The following RAP1GDS1 variants were observed in gnomAD, a reference collection of about 807,000 sequenced individuals.
RAP1GDS1 encodes RAP1, GTP-GDP dissociation stimulator 1.
In RAP1GDS1, 35 loss-of-function variants were observed where a neutral mutation model predicts 71.1. The observed-to-expected ratio is 0.49, with a 90% CI of 0.38 to 0.65. RAP1GDS1 has a LOEUF of 0.65. Ranked by LOEUF, RAP1GDS1 falls within the 30% of genes least tolerant of loss-of-function variation. The pLI is 0.00. For synonymous variants in RAP1GDS1, 229 were observed against 243.1 expected (o/e 0.94, Z 0.54); for missense variants, 663 against 706.1 (o/e 0.94, Z 0.69).
At chr4:98,412,966 G>T (rs1005063889) in intron 7 of RAP1GDS1, among the ~76,000 whole-genome samples, 3 of 151,968 alleles carry the variant, frequency 2.0e-5, no homozygotes, top group Non-Finnish European at 4.4e-5. Flanking sequence ...TACTGATGAG[G>T]GTCTATGTTT....
At chr4:98,441,966 ATC>A (rs1394198824) in intron 14 of RAP1GDS1, 22 bp from the exon 15 acceptor site, 1 of 1,611,308 alleles carries the variant, frequency 6.2e-7, no homozygotes, top group African/African-American at 1.3e-5. Context: ...ACAGAATCAT[ATC>A]TGTTATTTTT....
chr4:98,283,018 C>T (rs771177233), intron 1 of RAP1GDS1, among the ~76,000 whole-genome samples: 7 of 151,772 alleles, frequency 4.6e-5, no homozygotes, highest in African/African-American at 9.7e-5. Flanking sequence ...AGGAATTGAA[C>T]GTTAAAAAAA....
Position 98,295,995 on chromosome 4 carries a change from A to T in RAP1GDS1, c.112+2480A>T, listed in dbSNP as rs529972037. 2.0e-3 allele frequency among the ~76,000 whole-genome samples: 303 copies of T among 151,844 alleles called. 1 individual carries two copies. Among genetic ancestry groups the T allele is most frequent in the Non-Finnish European group, 3.3e-3 (223 of 67,892 alleles). On this transcript the variant is annotated intron_variant, in intron 2 of 14. Transcript: ENST00000408927. The stretch of plus-strand genomic sequence containing the variant: ...GTCCTCCTAAATGTAAAATTATAAA[A>T]CATTTAACTTAGAAGAATCTGTACT...
At chr4:98,343,423 T>C (rs1735779317) in intron 3 of RAP1GDS1, 162 bp downstream of exon 3, 1 of 873,738 alleles carries the variant, frequency 1.1e-6, no homozygotes, top group Non-Finnish European at 1.7e-6. Context: ...TAAATGGCTA[T>C]AGTTACAGTC....
chr4:98,309,754 A>G (rs748852807), intron 2 of RAP1GDS1, among the ~76,000 whole-genome samples: 4 of 151,980 alleles, frequency 2.6e-5, no homozygotes, highest in South Asian at 2.1e-4. Flanking sequence ...TGAAAATGCC[A>G]TATTCTTAAT....
At chr4:98,265,569 G>A (rs962049345) in intron 1 of RAP1GDS1, among the ~76,000 whole-genome samples, 1 of 152,104 alleles carries the variant, frequency 6.6e-6, no homozygotes, top group African/African-American at 2.4e-5. Flanking sequence ...TAGAGATCTG[G>A]AAGTTATCCA....
chr4:98,330,436 C>A (rs1278189252), intron 2 of RAP1GDS1, among the ~76,000 whole-genome samples: 1 of 150,312 alleles, frequency 6.7e-6, no homozygotes, highest in Admixed American at 6.6e-5. Context: ...GGGGTCGCGG[C>A]CGGGCAGAGG....
chr4:98,328,829 A>G (rs1355414376), intron 2 of RAP1GDS1, among the ~76,000 whole-genome samples: 2 of 152,232 alleles, frequency 1.3e-5, no homozygotes, highest in African/African-American at 4.8e-5. Context: ...TAATCAGAGT[A>G]AGACAAACTT....
chr4:98,291,109 A>T (rs762485301), intron 1 of RAP1GDS1, among the ~76,000 whole-genome samples: 1 of 152,154 alleles, frequency 6.6e-6, no homozygotes, highest in African/African-American at 2.4e-5. Context: ...TTGTCAAGAT[A>T]TCATTTAAAA....
At chr4:98,361,818 C>T (rs888567462) in intron 4 of RAP1GDS1, among the ~76,000 whole-genome samples, 5 of 152,164 alleles carry the variant, frequency 3.3e-5, no homozygotes, top group Non-Finnish European at 7.3e-5. Context: ...GATTTTTAAA[C>T]CTGAATATAA....
At chr4:98,297,069 A>G (rs1727891441) in intron 2 of RAP1GDS1, 1 of 166,696 alleles carries the variant, frequency 6.0e-6, no homozygotes, top group African/African-American at 2.5e-5. Context: ...GGCAATTCCC[A>G]TTTCATACGA....
chr4:98,393,001 C>T (rs1209636860), intron 6 of RAP1GDS1, among the ~76,000 whole-genome samples: 5 of 152,136 alleles, frequency 3.3e-5, no homozygotes, highest in Non-Finnish European at 1.5e-5. Flanking sequence ...ATGGATTACC[C>T]TTTCTTCTTC....
chr4:98,348,289 A>G (rs2110410661), intron 3 of RAP1GDS1, among the ~76,000 whole-genome samples: 1 of 152,328 alleles, frequency 6.6e-6, no homozygotes. Context: ...TACAAAGGAC[A>G]TGAACTCATT....
intron 13 of RAP1GDS1, among the ~76,000 whole-genome samples, chr4:98,436,128 GTTCA>G (rs1334621600): frequency 6.6e-6 from 1 of 151,778 alleles, no homozygotes; most frequent in African/African-American, 2.4e-5. Flanking sequence ...TTAGGTTAGG[GTTCA>G]TTTTCTTTGT....
chr4:98,391,931 G>GT (rs749216891), intron 5 of RAP1GDS1, 21 bp from the exon 6 acceptor site: 27,223 of 1,221,056 alleles, frequency 0.022, 13 homozygotes, highest in South Asian at 0.036. Flanking sequence ...TTCTGTTGTT[G>GT]TTTTTTTTTT....
At chr4:98,288,391 A>G (rs1016453094) in intron 1 of RAP1GDS1, among the ~76,000 whole-genome samples, 5 of 152,134 alleles carry the variant, frequency 3.3e-5, no homozygotes, top group African/African-American at 1.2e-4. Context: ...ATAGTATTCC[A>G]TGGTGTATAT....
chr4:98,278,318 C>T (rs1053735264), intron 1 of RAP1GDS1, among the ~76,000 whole-genome samples: 2 of 152,108 alleles, frequency 1.3e-5, no homozygotes, highest in East Asian at 1.9e-4. Context: ...TATCTTATAT[C>T]CTTCAAATTT....
In RAP1GDS1 at chr4:98,404,401, ATAAC is replaced by A. The variant is rs780764766; in HGVS notation, c.638-72_638-69del. The A allele has an allele frequency of 1.7e-4, 226 of 1,352,744 alleles. 1 individual carries two copies. Among genetic ancestry groups the A allele is most frequent in the Non-Finnish European group, 2.1e-4 (207 of 999,694 alleles). 83.8% of individuals were successfully genotyped at this position (1,352,744 alleles called of 1,614,324 possible). A position where few individuals can be genotyped will look rare whatever the true frequency, so the allele number is the denominator to read the frequency against. ...TTGTATTTATCAGTAATGGTACAAA[ATAAC>A]TAAGTATTGAAAGTATTAGAAAACA... On this transcript the variant is annotated intron_variant, in intron 6 of 14. Coordinates refer to ENST00000408927, the MANE Select transcript of RAP1GDS1 (RefSeq NM_001100427.2).
chr4:98,373,599 G>A (rs1046779282), intron 4 of RAP1GDS1, among the ~76,000 whole-genome samples: 9 of 152,082 alleles, frequency 5.9e-5, no homozygotes, highest in Non-Finnish European at 1.3e-4. Flanking sequence ...TTCATTCTCT[G>A]AGATTCCAGG....
Sources: gnomAD v4.1 joint callset for allele counts (sites outside exome capture counted in the v4.1 genomes callset) on GRCh38, gnomAD v4.1.1 for gene constraint, MANE v1.5 for transcripts, NCBI Gene and HGNC (gene_info 2026-07-23, HGNC 2026-07-21) for gene names.